The following CRTC3 variants were observed in gnomAD, a reference collection of about 807,000 sequenced individuals.
CRTC3 encodes CREB regulated transcription coactivator 3.
A neutral mutation model predicts 74.5 loss-of-function variants in CRTC3; 26 were observed. That is an observed-to-expected ratio of 0.35 (90% CI 0.26 to 0.48). The LOEUF (loss-of-function observed/expected upper bound fraction) is 0.48. Among genes scored for constraint, CRTC3 ranks in the 20% least tolerant of loss-of-function variants. The pLI, the probability that CRTC3 is intolerant of heterozygous loss-of-function variation, is 0.99. For missense variants in CRTC3, 760 were observed against 787.3 expected, an observed-to-expected ratio of 0.97 and a Z score of 0.41; for synonymous variants, 377 against 325.8, an observed-to-expected ratio of 1.16 and a Z score of -1.69.
At chr15:90,570,954 A>G (rs1376509465) in intron 2 of CRTC3, among the ~76,000 whole-genome samples, 1 of 152,248 alleles carries the variant, frequency 6.6e-6, no homozygotes, top group Admixed American at 6.5e-5. Context: ...TATGAAAAAA[A>G]CTACACGAGG....
rs76916067 is a variant in CRTC3, at chr15:90,555,106, T to A, written c.231+14969T>A. 9.5e-3 allele frequency among the ~76,000 whole-genome samples: 1,446 copies of A among 152,028 alleles called. 21 individuals carry two copies. The highest frequency in any genetic ancestry group is 0.033 in the African/African-American group (1,380 of 41,444). On this transcript the variant is annotated intron_variant, in intron 2 of 14. Coordinates refer to ENST00000268184, the MANE Select transcript of CRTC3 (RefSeq NM_022769.5). Reference sequence around the variant, plus strand: ...CTTTGTGTGGGGGCAGAAAACAAATTTGAGAGTTGCTGGCCTTAGGGTGCT... The same window carrying A: ...CTTTGTGTGGGGGCAGAAAACAAATATGAGAGTTGCTGGCCTTAGGGTGCT...
chr15:90,538,023 G>A (rs1448231457), intron 1 of CRTC3, among the ~76,000 whole-genome samples: 1 of 152,220 alleles, frequency 6.6e-6, no homozygotes, highest in African/African-American at 2.4e-5. Context: ...TTTGGTTGAA[G>A]TGTCAAGGCT....
At chr15:90,608,203 T>A (rs1968275292) in intron 6 of CRTC3, among the ~76,000 whole-genome samples, 1 of 152,180 alleles carries the variant, frequency 6.6e-6, no homozygotes, top group Admixed American at 6.5e-5. Flanking sequence ...GGCCCACTCA[T>A]GCCATCTCAC....
chr15:90,533,543 G>A (rs921442036), intron 1 of CRTC3, among the ~76,000 whole-genome samples: 5 of 152,144 alleles, frequency 3.3e-5, no homozygotes, highest in Admixed American at 1.3e-4. Context: ...TGTTAATGGG[G>A]TGTGTGTTTG....
rs1203624046 is a variant in CRTC3 at position 90,643,359 on chromosome 15, G to A, written c.*1219G>A. On this transcript the variant is annotated 3_prime_UTR_variant, in exon 15 of 15. Coordinates refer to ENST00000268184, the MANE Select transcript of CRTC3 (RefSeq NM_022769.5). ...CACTTTAATATGCTTTTAACACTAG[G>A]TGACCAAATCACAGTGAAGCCGGGC... The A allele has an allele frequency of 4.4e-6, 1 of 229,370 alleles. No individual in the cohort carries two copies. The highest frequency in any genetic ancestry group is 2.2e-5 in the African/African-American group (1 of 45,106). The allele number at this position is 229,370 out of a possible 1,614,324, so 14.2% of individuals were successfully genotyped here. A position where few individuals can be genotyped will look rare whatever the true frequency, so the allele number is the denominator to read the frequency against.
rs201347690 is a variant in CRTC3 at position 90,556,578 on chromosome 15, G to A, written c.231+16441G>A. 3.7e-3 allele frequency among the ~76,000 whole-genome samples: 570 copies of A among 152,276 alleles called. 6 individuals carry two copies. The highest frequency in any genetic ancestry group is 0.013 in the African/African-American group (552 of 41,552). On this transcript the variant is annotated intron_variant, in intron 2 of 14. Transcript: ENST00000268184. ...TTTAATCACACGGGCCTAGAGGCTG[G>A]TGAGTGACCAAGGCTGCCTAGCAAA...
intron 2 of CRTC3, among the ~76,000 whole-genome samples, chr15:90,582,331 G>T (rs1967562191): frequency 6.6e-6 from 1 of 152,214 alleles, no homozygotes; most frequent in Non-Finnish European, 1.5e-5. Flanking sequence ...GGCTTGGGTG[G>T]CGCTCTGTGG....
At chr15:90,539,123 A>G (rs903174602) in intron 1 of CRTC3, among the ~76,000 whole-genome samples, 2 of 152,242 alleles carry the variant, frequency 1.3e-5, no homozygotes. Context: ...GCTCTCGTCT[A>G]TAACCCTTTC....
intron 2 of CRTC3, among the ~76,000 whole-genome samples, chr15:90,549,528 C>T (rs1187804472): frequency 1.3e-5 from 2 of 152,052 alleles, no homozygotes; most frequent in Non-Finnish European, 2.9e-5. Context: ...GTAATCCTAG[C>T]ACTTTAGGAG....
chr15:90,615,016 A>T (rs1968453560), intron 7 of CRTC3, among the ~76,000 whole-genome samples: 2 of 152,138 alleles, frequency 1.3e-5, no homozygotes, highest in Admixed American at 1.3e-4. Flanking sequence ...GTGAGTTGAG[A>T]TTGTGCCACT....
chr15:90,637,783 T>G (rs796713859), intron 11 of CRTC3: 36 of 152,432 alleles, frequency 2.4e-4, no homozygotes, highest in African/African-American at 8.7e-4. Flanking sequence ...GGTTTTAGCT[T>G]CACCGCCTGC....
At position 90,625,703 on chromosome 15, in the gene CRTC3, G is replaced by C. The variant is rs1042953674; in HGVS notation, c.750-73G>C. On this transcript the variant is annotated intron_variant, in intron 9 of 14. Transcript: ENST00000268184. ...CACTGCTCTTATTTGACAAGGAAAA[G>C]GTTTCAGCCATGTTTGGTTTCCCAA... The C allele has an allele frequency of 3.0e-6, 4 of 1,341,072 alleles. No individual in the cohort carries two copies. In the African/African-American group the frequency reaches 4.3e-5, roughly 15 times the overall value. The allele number at this position is 1,341,072 out of a possible 1,614,324, so 83.1% of individuals were successfully genotyped here. A position where few individuals can be genotyped will look rare whatever the true frequency, so the allele number is the denominator to read the frequency against.
intron 2 of CRTC3, among the ~76,000 whole-genome samples, chr15:90,563,527 G>A (rs1368980022): frequency 6.6e-6 from 1 of 152,184 alleles, no homozygotes; most frequent in African/African-American, 2.4e-5. Flanking sequence ...TTAATGAGGA[G>A]CAAAGCATAG....
intron 1 of CRTC3, among the ~76,000 whole-genome samples, chr15:90,536,398 G>A (rs1345546195): frequency 6.6e-6 from 1 of 151,604 alleles, no homozygotes; most frequent in Middle Eastern, 3.4e-3. Flanking sequence ...TTAGCTGGGC[G>A]TGGTGGCGCG....
intron 2 of CRTC3, among the ~76,000 whole-genome samples, chr15:90,589,464 C>A (rs1454549395): frequency 6.6e-6 from 1 of 152,066 alleles, no homozygotes; most frequent in Non-Finnish European, 1.5e-5. Context: ...GGATCCTGAG[C>A]CTCAACCTCG....
chr15:90,573,212 T>C (rs1967318017), intron 2 of CRTC3, among the ~76,000 whole-genome samples: 1 of 152,198 alleles, frequency 6.6e-6, no homozygotes, highest in Non-Finnish European at 1.5e-5. Flanking sequence ...AAGTCACAGG[T>C]GTTGCCTCTA....
chr15:90,584,009 C>T (rs1386038732), intron 2 of CRTC3, among the ~76,000 whole-genome samples: 1 of 152,008 alleles, frequency 6.6e-6, no homozygotes, highest in Non-Finnish European at 1.5e-5. Context: ...ACGACTCCCC[C>T]ACTTGTCATG....
chr15:90,534,561 A>AGTTGGTTG (rs56768119), intron 1 of CRTC3, among the ~76,000 whole-genome samples: 72,178 of 151,402 alleles, frequency 0.48, 17,865 homozygotes, highest in Non-Finnish European at 0.55. Flanking sequence ...AAATGTGGTT[A>AGTTGGTTG]GTTGGTTGGT....
In CRTC3 at chr15:90,530,092, G is replaced by C. The variant is rs1428663936; in HGVS notation, c.21G>C (p.Ser7=). 1.4e-6 allele frequency: 2 copies of C among 1,443,616 alleles called. No homozygotes were observed. Among genetic ancestry groups the C allele is most frequent in the Admixed American group, 2.1e-5 (1 of 48,340 alleles). The allele number at this position is 1,443,616 out of a possible 1,614,324, so 89.4% of individuals were successfully genotyped here. MAASPG[S]GSANPRKFSE... is the part of the protein sequence containing the mutation. The stretch of plus-strand genomic sequence containing the variant: ...GCGCCATGGCCGCCTCGCCGGGCTC[G>C]GGCAGCGCCAACCCGCGGAAGTTCA... The change falls in exon 1 of 15, where the codon TCG becomes TCC. Residue 7 remains serine, a synonymous_variant. Coordinates refer to ENST00000268184, the MANE Select transcript of CRTC3 (RefSeq NM_022769.5). This position sits in a 1 kb window ranked among gnomAD's most constrained non-coding sequence, Gnocchi z 6.2.
Sources: allele counts gnomAD v4.1 joint callset (sites outside exome capture counted in the v4.1 genomes callset), GRCh38; gene constraint gnomAD v4.1.1; non-coding constraint Gnocchi (gnomAD v3.1); transcripts MANE v1.5; gene names NCBI Gene and HGNC (gene_info 2026-07-23, HGNC 2026-07-21).